Variants in DDX31 observed in about 807,000 individuals in gnomAD.
DDX31 encodes the protein ATP-dependent DNA helicase DDX31.
A neutral mutation model predicts 91.3 loss-of-function variants in DDX31; 70 were observed. That is an observed-to-expected ratio of 0.77 (90% CI 0.63 to 0.94). The LOEUF (loss-of-function observed/expected upper bound fraction) is 0.94, where lower values mean the gene tolerates loss of function less well. Among genes scored for constraint, DDX31 ranks in the 40% least tolerant of loss-of-function variants. The pLI, the probability that DDX31 is intolerant of heterozygous loss-of-function variation, is 0.00. For synonymous variants in DDX31, 362 were observed against 350.6 expected, an observed-to-expected ratio of 1.03 and a Z score of -0.36; for missense variants, 902 against 925.0, an observed-to-expected ratio of 0.98 and a Z score of 0.32.
chr9:132,612,452 A>C, intron 18 of DDX31, 197 bp from the exon 19 acceptor site: 4 of 589,356 alleles, frequency 6.8e-6, no homozygotes, highest in Non-Finnish European at 1.2e-5. Context: ...AAAAGAAAAA[A>C]ACTACAGGGG....
chr9:132,615,467 C>T (rs530197075), intron 18 of DDX31, among the ~76,000 whole-genome samples: 1 of 152,150 alleles, frequency 6.6e-6, no homozygotes, highest in East Asian at 1.9e-4. Flanking sequence ...AGGAGGTTCC[C>T]TGCTGTTCTC....
In DDX31 at chr9:132,593,488, AATT is replaced by A. The variant is rs1830297256; in HGVS notation, c.*1375_*1377del. On this transcript the variant is annotated 3_prime_UTR_variant, in exon 20 of 20. Coordinates refer to ENST00000372159, the MANE Select transcript of DDX31 (RefSeq NM_022779.9). ...ATGTGCTGCAGGGTTGTTGTTTTTT[AATT>A]ATTATTGTTAGAAACGTCACCCACA... The A allele has an allele frequency of 6.6e-6, 1 of 152,174 alleles. No individual in the cohort carries two copies. The highest frequency in any genetic ancestry group is 2.1e-4 in the South Asian group (1 of 4,806). The allele number at this position is 152,174 out of a possible 1,614,324, so 9.4% of individuals were successfully genotyped here. A position where few individuals can be genotyped will look rare whatever the true frequency, so the allele number is the denominator to read the frequency against.
chr9:132,661,078 C>T, intron 4 of DDX31, 130 bp downstream of exon 4: 1 of 792,648 alleles, frequency 1.3e-6, no homozygotes, highest in Non-Finnish European at 2.2e-6. Flanking sequence ...GACGACAACC[C>T]TTTATGGTCG....
At chr9:132,667,642 G>A (rs1375598862) in intron 1 of DDX31, among the ~76,000 whole-genome samples, 1 of 146,056 alleles carries the variant, frequency 6.8e-6, no homozygotes, top group Non-Finnish European at 1.5e-5. Flanking sequence ...CGTAGATCTA[G>A]ACAAGGCCAC....
intron 19 of DDX31, among the ~76,000 whole-genome samples, chr9:132,608,636 A>G (rs1320880840): frequency 6.6e-6 from 1 of 152,194 alleles, no homozygotes; most frequent in Non-Finnish European, 1.5e-5. Flanking sequence ...ATATATAATT[A>G]TTCTAGGCAG....
intron 14 of DDX31, chr9:132,638,169 A>AG (rs1833245051): frequency 7.2e-7 from 1 of 1,387,632 alleles, no homozygotes; most frequent in Non-Finnish European, 9.4e-7. Flanking sequence ...TCTGGGAAAA[A>AG]GGTGACTGCA....
At chr9:132,669,471 A>AAT in intron 1 of DDX31, 2 of 500,690 alleles carry the variant, frequency 4.0e-6, no homozygotes, top group Non-Finnish European at 5.5e-6. Flanking sequence ...TGGGCAAGAT[A>AAT]AAAAAAAAAA....
At chr9:132,622,435 T>C (rs1832089872) in intron 17 of DDX31, among the ~76,000 whole-genome samples, 1 of 152,184 alleles carries the variant, frequency 6.6e-6, no homozygotes, top group African/African-American at 2.4e-5. Context: ...CTGTAGCTTG[T>C]TGCTGACAGA....
At chr9:132,648,674 A>G (rs1220550369) in intron 9 of DDX31, 123 bp from the exon 10 acceptor site, 1 of 1,155,324 alleles carries the variant, frequency 8.7e-7, no homozygotes, top group African/African-American at 1.6e-5. Flanking sequence ...CCATAGCCTG[A>G]AATCATGACA....
intron 14 of DDX31, among the ~76,000 whole-genome samples, chr9:132,635,837 C>T (rs575200312): frequency 1.3e-4 from 20 of 151,590 alleles, no homozygotes; most frequent in Admixed American, 1.2e-3. Context: ...CCAGCTACTT[C>T]GGAGACAGAG....
intron 1 of DDX31, chr9:132,663,219 T>C (rs1835097701): frequency 6.2e-6 from 8 of 1,289,210 alleles, no homozygotes; most frequent in Non-Finnish European, 7.1e-6. Flanking sequence ...AAACATTCAT[T>C]ACCATTCTAC....
chr9:132,614,506 A>G (rs999721391), intron 18 of DDX31, among the ~76,000 whole-genome samples: 5 of 152,134 alleles, frequency 3.3e-5, no homozygotes, highest in African/African-American at 1.2e-4. Flanking sequence ...CTGGTCTCAA[A>G]AAAGACAAGA....
At chr9:132,604,789 G>T (rs1830920278) in intron 19 of DDX31, among the ~76,000 whole-genome samples, 1 of 152,122 alleles carries the variant, frequency 6.6e-6, no homozygotes, top group Non-Finnish European at 1.5e-5. Context: ...TAACTGTTTT[G>T]CTCTGGTCTT....
intron 14 of DDX31, among the ~76,000 whole-genome samples, chr9:132,635,908 C>T (rs919020077): frequency 1.4e-4 from 22 of 151,788 alleles, no homozygotes; most frequent in Non-Finnish European, 2.9e-4. Context: ...TGCGCCGTTG[C>T]ACTCCAGCCT....
intron 9 of DDX31, among the ~76,000 whole-genome samples, chr9:132,649,089 G>T (rs570553395): frequency 7.2e-5 from 11 of 152,182 alleles, no homozygotes; most frequent in Non-Finnish European, 1.5e-4. Flanking sequence ...CGTAATAAAA[G>T]CTTCCAATTT....
chr9:132,625,182 CT>C (rs2130617050), intron 17 of DDX31, among the ~76,000 whole-genome samples: 1 of 152,246 alleles, frequency 6.6e-6, no homozygotes, highest in East Asian at 1.9e-4. Flanking sequence ...AAAAATTTTT[CT>C]TCTTAATGAT....
intron 9 of DDX31, 127 bp downstream of exon 9, chr9:132,650,107 G>A: frequency 1.1e-6 from 1 of 882,714 alleles, no homozygotes; most frequent in Non-Finnish European, 1.9e-6. Context: ...ATCTGTCCCT[G>A]TGCACCGGGA....
At chr9:132,642,116 A>C (rs1833542479) in intron 13 of DDX31, 53 bp from the exon 14 acceptor site, 1 of 1,541,394 alleles carries the variant, frequency 6.5e-7, no homozygotes, top group African/African-American at 1.4e-5. Context: ...AACTCCAGCA[A>C]GGTAGGCTTA....
At position 132,661,288 on chromosome 9, in the gene DDX31, T is replaced by C. The variant is rs141022776; in HGVS notation, c.409-37A>G. 7,140 of 1,474,522 alleles carry C rather than the reference T, an allele frequency of 4.8e-3. 30 individuals are homozygous for C. Among genetic ancestry groups the C allele is most frequent in the Admixed American group, 8.4e-3 (460 of 54,450 alleles). 91.3% of individuals were successfully genotyped at this position (1,474,522 alleles called of 1,614,324 possible). A position where few individuals can be genotyped will look rare whatever the true frequency, so the allele number is the denominator to read the frequency against. The stretch of plus-strand genomic sequence containing the variant: ...GATGAAAAAGCTTTAATTAATATTT[T>C]GATACAAAATATTTAACGGAAATTA... On this transcript the variant is annotated intron_variant, in intron 3 of 19. Coordinates refer to ENST00000372159, the MANE Select transcript of DDX31 (RefSeq NM_022779.9).
Sources: allele counts gnomAD v4.1 joint callset (sites outside exome capture counted in the v4.1 genomes callset), GRCh38; gene constraint gnomAD v4.1.1; transcripts MANE v1.5; gene names NCBI Gene and HGNC (gene_info 2026-07-23, HGNC 2026-07-21).